Variants in NAALADL2 observed in about 807,000 individuals in gnomAD.
NAALADL2 encodes the protein inactive N-acetylated-alpha-linked acidic dipeptidase-like protein 2.
A neutral mutation model predicts 87.2 loss-of-function variants in NAALADL2; 76 were observed. The ratio of observed to expected loss-of-function variants is 0.87; its 90% CI spans 0.72 to 1.05. The LOEUF is 1.05. NAALADL2 is among the 50% of genes least tolerant of loss of function. The pLI is 0.00. For synonymous variants in NAALADL2, 354 were observed against 331.0 expected (o/e 1.07, Z -0.75); for missense variants, 1,089 against 945.8 (o/e 1.15, Z -1.99).
chr3:174,966,805 G>T (rs1184884591), intron 1 of NAALADL2, among the ~76,000 whole-genome samples: 1 of 152,154 alleles, frequency 6.6e-6, no homozygotes, highest in Non-Finnish European at 1.5e-5. Flanking sequence ...TGAAATCATA[G>T]ATTGGTTTGT....
intron 2 of NAALADL2, among the ~76,000 whole-genome samples, chr3:175,158,777 G>A (rs1732704453): frequency 6.6e-6 from 1 of 151,978 alleles, no homozygotes; most frequent in African/African-American, 2.4e-5. Context: ...GAAAAAATAG[G>A]AGAAATAGAG....
chr3:175,335,893 A>G (rs1200543138), intron 5 of NAALADL2, among the ~76,000 whole-genome samples: 1 of 152,196 alleles, frequency 6.6e-6, no homozygotes, highest in Admixed American at 6.5e-5. Flanking sequence ...TAAGTAAATT[A>G]AAAGTGAGGC....
chr3:174,793,084 A>G (rs766791681), intron 3 of NAALADL2, among the ~76,000 whole-genome samples: 6 of 152,168 alleles, frequency 3.9e-5, no homozygotes, highest in African/African-American at 1.4e-4. Context: ...GTTGGCAAAG[A>G]TAACAATGTC....
chr3:175,516,757 A>G (rs1731896796), intron 9 of NAALADL2, among the ~76,000 whole-genome samples: 1 of 152,156 alleles, frequency 6.6e-6, no homozygotes, highest in Admixed American at 6.5e-5. Flanking sequence ...TTCAGTTTTA[A>G]TGATTTCAAA....
At chr3:175,751,758 T>G (rs1467465278) in intron 12 of NAALADL2, among the ~76,000 whole-genome samples, 1 of 152,130 alleles carries the variant, frequency 6.6e-6, no homozygotes, top group East Asian at 1.9e-4. Context: ...TAAACGTACT[T>G]ATTATTTTTT....
chr3:175,145,503 A>G (rs975996372), intron 2 of NAALADL2, among the ~76,000 whole-genome samples: 1 of 152,104 alleles, frequency 6.6e-6, no homozygotes, highest in African/African-American at 2.4e-5. Flanking sequence ...AACTTATCGG[A>G]AAGAAAATGT....
intron 9 of NAALADL2, among the ~76,000 whole-genome samples, chr3:175,524,057 G>T (rs1733054764): frequency 6.6e-6 from 1 of 152,206 alleles, no homozygotes; most frequent in Non-Finnish European, 1.5e-5. Context: ...TCTGGAAAGT[G>T]ATTTTATGTG....
intron 3 of NAALADL2, among the ~76,000 whole-genome samples, chr3:175,245,106 A>G (rs1186717143): frequency 6.6e-6 from 1 of 151,946 alleles, no homozygotes; most frequent in Non-Finnish European, 1.5e-5. Context: ...ACTTCTCTAC[A>G]TATTTTTCAT....
intron 1 of NAALADL2, among the ~76,000 whole-genome samples, chr3:174,444,429 G>A (rs1171490280): frequency 1.3e-5 from 2 of 152,172 alleles, no homozygotes; most frequent in African/African-American, 2.4e-5. Context: ...AATACTTTGA[G>A]ATTCTAAGAA....
At chr3:175,102,347 A>C (rs1722358089) in intron 2 of NAALADL2, among the ~76,000 whole-genome samples, 1 of 152,140 alleles carries the variant, frequency 6.6e-6, no homozygotes, top group Admixed American at 6.6e-5. Context: ...CCAGCCTTCC[A>C]GGTCCTTATT....
At chr3:174,696,030 G>A (rs1328255510) in intron 2 of NAALADL2, among the ~76,000 whole-genome samples, 7 of 151,988 alleles carry the variant, frequency 4.6e-5, no homozygotes, top group Admixed American at 1.3e-4. Context: ...AAATGCTCCT[G>A]AGATCTCCAG....
intron 2 of NAALADL2, among the ~76,000 whole-genome samples, chr3:175,156,167 T>A (rs116773972): frequency 0.012 from 1,891 of 152,234 alleles, 22 homozygotes; most frequent in Non-Finnish European, 0.018. Context: ...ATTTAAATGG[T>A]TGTGAGGGAG....
In NAALADL2 at chr3:175,097,209, C is replaced by T. The variant is rs1420260781; in HGVS notation, c.463C>T (p.Pro155Ser). 6.2e-7 allele frequency: 1 copy of T among 1,612,892 alleles called. No homozygotes were observed. ...ACATACAAATTGCCCTTCAGATGCTCCATCTTCAGGAACAGTTGATCCTCA... is the reference window on the plus strand; with the variant it reads ...ACATACAAATTGCCCTTCAGATGCTTCATCTTCAGGAACAGTTGATCCTCA... ...YVHTNCPSDA[P>S]SSGTVDPQLY... Residue 155 changes from proline (P) to serine (S), a missense_variant, in exon 2 of 14, where the codon CCA becomes TCA. By Grantham distance (74) the Pro-to-Ser change is moderately conservative (BLOSUM62 -1). Transcript: ENST00000454872.
chr3:175,552,133 G>A (rs9869420), intron 9 of NAALADL2, among the ~76,000 whole-genome samples: 53,983 of 151,484 alleles, frequency 0.36, 11,002 homozygotes, highest in East Asian at 0.7. Context: ...TGTATTATAT[G>A]TACTATAATG....
rs555716353 is a variant in NAALADL2 at position 174,612,984 on chromosome 3, C to T, written c.-115+62347C>T. ...AAGGACATGGGTATTACGACCTAAGCTGTATCTGCATTAGGGGGCACCTCA... is the reference window on the plus strand; with the variant it reads ...AAGGACATGGGTATTACGACCTAAGTTGTATCTGCATTAGGGGGCACCTCA... On this transcript the variant is annotated intron_variant, in intron 2 of 3. Transcript: ENST00000434257. Among the ~76,000 whole-genome samples the T allele has an allele frequency of 2.0e-5, 3 of 152,334 alleles. No homozygotes were observed. In the South Asian group the frequency reaches 6.2e-4, roughly 32 times the overall value.
At chr3:174,650,098 T>A (rs1353346431) in intron 2 of NAALADL2, among the ~76,000 whole-genome samples, 1 of 152,158 alleles carries the variant, frequency 6.6e-6, no homozygotes, top group Non-Finnish European at 1.5e-5. Context: ...AACAAATTTA[T>A]TTTTTATTCA....
intron 1 of NAALADL2, among the ~76,000 whole-genome samples, chr3:174,493,708 A>G (rs1370851274): frequency 1.3e-5 from 2 of 152,188 alleles, no homozygotes; most frequent in East Asian, 3.9e-4. Flanking sequence ...ATACAACAGA[A>G]GAGGGAACCT....
intron 9 of NAALADL2, among the ~76,000 whole-genome samples, chr3:175,542,759 C>A (rs1273546596): frequency 1.3e-5 from 2 of 152,206 alleles, no homozygotes; most frequent in African/African-American, 4.8e-5. Context: ...TGGACCTACA[C>A]AGTTTAAATT....
chr3:175,732,584 T>G (rs1414317211), intron 11 of NAALADL2, among the ~76,000 whole-genome samples: 1 of 152,116 alleles, frequency 6.6e-6, no homozygotes, highest in Non-Finnish European at 1.5e-5. Context: ...AGGTTCACAG[T>G]TTTTAGATGG....
Sources: allele counts gnomAD v4.1 joint callset (sites outside exome capture counted in the v4.1 genomes callset), GRCh38; gene constraint gnomAD v4.1.1; transcripts MANE v1.5; gene names NCBI Gene and HGNC (gene_info 2026-07-23, HGNC 2026-07-21).